Variants in PRELID2 observed in about 807,000 individuals in gnomAD.
PRELID2 encodes the protein PRELI domain-containing protein 2.
A neutral mutation model predicts 28.4 loss-of-function variants in PRELID2; 25 were observed. The ratio of observed to expected loss-of-function variants is 0.88; its 90% confidence interval spans 0.64 to 1.23. The LOEUF is 1.23. Ranked by LOEUF, PRELID2 falls within the 50% of genes most tolerant of loss-of-function variation. PRELID2 has a pLI of 0.00. For missense variants in PRELID2, 201 were observed against 214.4 expected (o/e 0.94, Z 0.39); for synonymous variants, 76 against 71.6 (o/e 1.06, Z -0.31).
At chr5:145,626,474 AC>A (rs1467709305) in intron 1 of PRELID2, among the ~76,000 whole-genome samples, 1 of 152,132 alleles carries the variant, frequency 6.6e-6, no homozygotes, top group Non-Finnish European at 1.5e-5. Flanking sequence ...ACAATGAGAT[AC>A]CATCTTACAT....
intron 1 of PRELID2, among the ~76,000 whole-genome samples, chr5:145,477,797 T>C (rs965969950): frequency 6.6e-6 from 1 of 151,862 alleles, no homozygotes; most frequent in East Asian, 1.9e-4. Context: ...GTCAGTGGCA[T>C]GTATAAATAC....
intron 1 of PRELID2, among the ~76,000 whole-genome samples, chr5:145,698,836 C>T (rs1017057242): frequency 1.3e-5 from 2 of 152,216 alleles, no homozygotes; most frequent in African/African-American, 4.8e-5. Context: ...AAACAATTCT[C>T]CTGCCTCAGC....
chr5:145,711,707 C>T (rs921865612), intron 1 of PRELID2, among the ~76,000 whole-genome samples: 4 of 151,860 alleles, frequency 2.6e-5, no homozygotes, highest in Admixed American at 2.0e-4. Flanking sequence ...CACTCCAGTC[C>T]CTGAGTACTT....
chr5:145,294,192 G>T, the PRELID2 span, among the ~76,000 whole-genome samples: 2 of 152,068 alleles, frequency 1.3e-5, no homozygotes, highest in African/African-American at 4.8e-5. Context: ...ATGCCATCAT[G>T]CAGCCCAGGT....
intron 1 of PRELID2, among the ~76,000 whole-genome samples, chr5:145,630,946 A>T (rs1329586409): frequency 6.6e-6 from 1 of 152,216 alleles, no homozygotes; most frequent in Non-Finnish European, 1.5e-5. Context: ...TCTGCCACTG[A>T]GTACCATGCA....
the PRELID2 span, among the ~76,000 whole-genome samples, chr5:145,348,204 TTCACA>T: frequency 6.6e-6 from 1 of 152,132 alleles, no homozygotes; most frequent in Non-Finnish European, 1.5e-5. Context: ...GGCTGAAATC[TTCACA>T]TCACATTTTG....
chr5:145,600,434 A>AAAAATATATATAT (rs1315631607), intron 1 of PRELID2, among the ~76,000 whole-genome samples: 25 of 120,094 alleles, frequency 2.1e-4, no homozygotes, highest in African/African-American at 9.8e-4. Context: ...AAAAAAAAAA[A>AAAAATATATATAT]ATATATATAT....
At chr5:145,785,760 C>T (rs977934559) in intron 5 of PRELID2, among the ~76,000 whole-genome samples, 4 of 152,198 alleles carry the variant, frequency 2.6e-5, no homozygotes, top group East Asian at 3.8e-4. Flanking sequence ...AAATTCTAAA[C>T]AAGCACCCAT....
At chr5:145,378,722 G>A in the PRELID2 span, among the ~76,000 whole-genome samples, 1 of 152,082 alleles carries the variant, frequency 6.6e-6, no homozygotes, top group Admixed American at 6.6e-5. Flanking sequence ...CTTGGATTGG[G>A]TTCCAAGGTA....
intron 1 of PRELID2, chr5:145,728,375 T>C: frequency 2.4e-6 from 1 of 412,970 alleles, no homozygotes; most frequent in South Asian, 2.9e-5. Context: ...CCTGGAAACC[T>C]TTTTTATGGC....
intron 4 of PRELID2, among the ~76,000 whole-genome samples, chr5:145,800,815 C>T (rs571410825): frequency 6.6e-6 from 1 of 152,186 alleles, no homozygotes; most frequent in Non-Finnish European, 1.5e-5. Context: ...CTCAATAACT[C>T]ATTGATAAAG....
chr5:145,229,692 G>A, the PRELID2 span: 1 of 762,340 alleles, frequency 1.3e-6, no homozygotes, highest in Non-Finnish European at 2.4e-6. Flanking sequence ...CCTTTACCAT[G>A]CTCATTTAGA....
At chr5:145,763,564 G>A (rs1757579524) in intron 6 of PRELID2, among the ~76,000 whole-genome samples, 1 of 152,220 alleles carries the variant, frequency 6.6e-6, no homozygotes, top group Non-Finnish European at 1.5e-5. Context: ...GGTCTGGACA[G>A]CATGCTTTAC....
chr5:145,602,065 C>T (rs1372402068), intron 1 of PRELID2, among the ~76,000 whole-genome samples: 5 of 152,144 alleles, frequency 3.3e-5, no homozygotes, highest in Non-Finnish European at 2.9e-5. Flanking sequence ...CACTGCGGAC[C>T]TGTCATGTAT....
intron 1 of PRELID2, among the ~76,000 whole-genome samples, chr5:145,563,498 A>T (rs979105218): frequency 6.6e-6 from 1 of 152,204 alleles, no homozygotes; most frequent in Non-Finnish European, 1.5e-5. Context: ...CATCCTGCTC[A>T]ACCTTAAACT....
chr5:145,729,440 C>T (rs1033758781), intron 1 of PRELID2: 1 of 346,502 alleles, frequency 2.9e-6, no homozygotes, highest in African/African-American at 2.2e-5. Flanking sequence ...CAGGTTCCTT[C>T]TAAGTCCTCA....
rs1224122409 is a variant in PRELID2 at position 145,636,435 on chromosome 5, CAAA to C, written n.70+128493_70+128495del. Among the ~76,000 whole-genome samples, 4 of 152,198 alleles carry C rather than the reference CAAA, an allele frequency of 2.6e-5. No homozygotes were observed. In the East Asian group the frequency reaches 7.7e-4, roughly 29 times the overall value. On this transcript the variant is annotated intron_variant and non_coding_transcript_variant, in intron 1 of 2. Coordinates refer to the PRELID2 transcript ENST00000510259. ...TTCTGCATAAGTGCTTAGAACAAAA[CAAA>C]GAGAGCCCCAGGCACATCAACCCAA...
At chr5:145,590,341 T>G (rs952368442) in intron 1 of PRELID2, among the ~76,000 whole-genome samples, 2 of 152,218 alleles carry the variant, frequency 1.3e-5, no homozygotes, top group Admixed American at 1.3e-4. Flanking sequence ...TTCTCTGTTC[T>G]TTCATGAATT....
intron 1 of PRELID2, among the ~76,000 whole-genome samples, chr5:145,745,858 A>G (rs1756977184): frequency 2.0e-5 from 2 of 99,192 alleles, no homozygotes; most frequent in African/African-American, 3.8e-5. Flanking sequence ...GTGAAACTTC[A>G]TCTCAAAAAA....
Sources: gnomAD v4.1 joint callset for allele counts (sites outside exome capture counted in the v4.1 genomes callset) on GRCh38, gnomAD v4.1.1 for gene constraint, MANE v1.5 for transcripts, NCBI Gene and HGNC (gene_info 2026-07-23, HGNC 2026-07-21) for gene names.